The following BLTP1 variants were observed in gnomAD, a reference collection of about 807,000 sequenced individuals.
The protein encoded by BLTP1 is bridge-like lipid transfer protein family member 1, also known as fragile site-associated protein.
the BLTP1 span, among the ~76,000 whole-genome samples, chr4:122,345,553 TAGAG>T: frequency 2.8e-5 from 4 of 143,876 alleles, no homozygotes; most frequent in African/African-American, 7.4e-5. Flanking sequence ...GAGCCAGAAA[TAGAG>T]AGGCTAGAGG....
At chr4:122,220,985 C>T in the BLTP1 span, 1 of 538,630 alleles carries the variant, frequency 1.9e-6, no homozygotes, top group Non-Finnish European at 2.4e-6. Flanking sequence ...AAATGTATTA[C>T]ATTTCTGGGT....
the BLTP1 span, chr4:122,226,607 G>T: frequency 1.0e-5 from 16 of 1,546,878 alleles, no homozygotes; most frequent in South Asian, 1.5e-4. Flanking sequence ...CAGTGTTTGG[G>T]TTCTTTCAAG....
At chr4:122,228,319 C>G in the BLTP1 span, among the ~76,000 whole-genome samples, 1 of 152,056 alleles carries the variant, frequency 6.6e-6, no homozygotes, top group African/African-American at 2.4e-5. Context: ...GCTGTATATA[C>G]CTGTGTAACT....
the BLTP1 span, chr4:122,272,408 A>G: frequency 1.9e-6 from 3 of 1,607,564 alleles, no homozygotes; most frequent in Non-Finnish European, 2.6e-6. Flanking sequence ...AATGAAAGGT[A>G]TGAATGATTT....
the BLTP1 span, chr4:122,325,494 TC>T: frequency 2.0e-6 from 2 of 985,052 alleles, no homozygotes; most frequent in Non-Finnish European, 2.4e-6. Flanking sequence ...TATAACATTT[TC>T]TGAGAGCCAT....
At chr4:122,190,402 T>C in the BLTP1 span, 1 of 978,492 alleles carries the variant, frequency 1.0e-6, no homozygotes, top group Non-Finnish European at 1.2e-6. Flanking sequence ...TGGCCTGTTT[T>C]TTTTTAAAAG....
At chr4:122,184,480 A>G in the BLTP1 span, 1 of 154,022 alleles carries the variant, frequency 6.5e-6, no homozygotes, top group Admixed American at 6.6e-5. Context: ...CTCTACTAAA[A>G]ATACAAAAAT....
At chr4:122,290,093 C>CA in the BLTP1 span, among the ~76,000 whole-genome samples, 2 of 152,130 alleles carry the variant, frequency 1.3e-5, no homozygotes, top group South Asian at 4.1e-4. Context: ...GAAGGAACTA[C>CA]ATTATGTAGC....
chr4:122,164,899 G>A, the BLTP1 span, among the ~76,000 whole-genome samples: 1 of 152,066 alleles, frequency 6.6e-6, no homozygotes, highest in African/African-American at 2.4e-5. Flanking sequence ...CATTCATGGT[G>A]ATATGTAAGA....
the BLTP1 span, chr4:122,341,628 C>T: frequency 3.2e-6 from 3 of 934,716 alleles, no homozygotes; most frequent in African/African-American, 3.6e-5. Flanking sequence ...ATGAATAGCA[C>T]CCCTCATTTT....
At chr4:122,354,887 G>A in the BLTP1 span, among the ~76,000 whole-genome samples, 1 of 151,752 alleles carries the variant, frequency 6.6e-6, no homozygotes, top group Admixed American at 6.6e-5. Flanking sequence ...GGCTGGTCTC[G>A]AACTCCTGAC....
At chr4:122,175,018 G>A in the BLTP1 span, 1 of 939,856 alleles carries the variant, frequency 1.1e-6, no homozygotes, top group Non-Finnish European at 1.3e-6. Flanking sequence ...GAGATAATAA[G>A]TTTATAGAAT....
At chr4:122,174,112 A>G in the BLTP1 span, 4 of 703,692 alleles carry the variant, frequency 5.7e-6, no homozygotes, top group Non-Finnish European at 7.0e-6. Flanking sequence ...AGGGATGGGG[A>G]GAGATGACTG....
the BLTP1 span, chr4:122,341,608 A>C: frequency 2.2e-6 from 2 of 891,718 alleles, no homozygotes; most frequent in Non-Finnish European, 1.3e-6. Flanking sequence ...TTCCTTAGAA[A>C]ACAACATAAA....
At chr4:122,176,684 A>G in the BLTP1 span, among the ~76,000 whole-genome samples, 2 of 152,020 alleles carry the variant, frequency 1.3e-5, no homozygotes, top group Non-Finnish European at 2.9e-5. Context: ...GGTTTTTTCT[A>G]TTATGACTTC....
the BLTP1 span, among the ~76,000 whole-genome samples, chr4:122,354,945 A>T: frequency 6.6e-6 from 1 of 152,108 alleles, no homozygotes; most frequent in African/African-American, 2.4e-5. Flanking sequence ...GATTACAGGC[A>T]TGAGCCACCA....
At chr4:122,254,460 T>A in the BLTP1 span, 1 of 1,282,272 alleles carries the variant, frequency 7.8e-7, no homozygotes, top group Non-Finnish European at 1.0e-6. Flanking sequence ...AGTATTAAGG[T>A]TGCAACTTTT....
chr4:122,279,585 A>C, the BLTP1 span: 1 of 197,292 alleles, frequency 5.1e-6, no homozygotes, highest in Non-Finnish European at 9.2e-6. Context: ...TGTTTCAACA[A>C]GTGAATATGA....
the BLTP1 span, among the ~76,000 whole-genome samples, chr4:122,321,004 T>C: frequency 6.6e-6 from 1 of 151,080 alleles, no homozygotes. Flanking sequence ...TTTTTTTTTT[T>C]TAGTGGTTGC....
Sources: allele counts gnomAD v4.1 joint callset (sites outside exome capture counted in the v4.1 genomes callset), GRCh38; gene constraint gnomAD v4.1.1; transcripts MANE v1.5; gene names NCBI Gene and HGNC (gene_info 2026-07-23, HGNC 2026-07-21).